Variants in ARID1B observed in about 807,000 individuals in gnomAD.
ARID1B encodes the protein AT-rich interactive domain-containing protein 1B.
A neutral mutation model predicts 212.3 loss-of-function variants in ARID1B; 30 were observed. The observed-to-expected ratio is 0.14, with a 90% CI of 0.11 to 0.19. The LOEUF (loss-of-function observed/expected upper bound fraction) is 0.19. Ranked by LOEUF, ARID1B falls within the 10% of genes least tolerant of loss-of-function variation. The pLI is 1.00. For synonymous variants in ARID1B, 1,402 were observed against 1,301.7 expected (o/e 1.08, Z -1.66); for missense variants, 2,891 against 3,204.0 (o/e 0.90, Z 2.36).
rs1256768169 is a variant in ARID1B, at chr6:156,955,855, G to C, written c.2247+20279G>C. The stretch of plus-strand genomic sequence containing the variant: ...GCCTAAGATTTTAGGGAGGAGGGCT[G>C]TTGGTCTCAGAAACCCTATCCTGTT... On this transcript the variant is annotated intron_variant, in intron 4 of 19. Coordinates refer to ENST00000636930, the MANE Select transcript of ARID1B (RefSeq NM_001374828.1). This position sits in a 1 kb window ranked among gnomAD's most constrained non-coding sequence, Gnocchi z 4.2. 6.6e-6 allele frequency among the ~76,000 whole-genome samples: 1 copy of C among 152,208 alleles called. No individual in the cohort carries two copies. The highest frequency in any genetic ancestry group is 2.4e-5 in the African/African-American group (1 of 41,446).
intron 6 of ARID1B, among the ~76,000 whole-genome samples, chr6:157,115,334 C>G (rs1272063002): frequency 6.6e-6 from 1 of 152,160 alleles, no homozygotes; most frequent in East Asian, 1.9e-4. Flanking sequence ...ATTGGGCTCT[C>G]TACTCTCTTA....
chr6:157,197,923 C>T (rs1793841644), intron 16 of ARID1B, among the ~76,000 whole-genome samples: 1 of 152,152 alleles, frequency 6.6e-6, no homozygotes, highest in South Asian at 2.1e-4. Flanking sequence ...ATCAAAAGTT[C>T]CCGTGTCTGT....
At chr6:156,872,458 A>T (rs1388397606) in intron 2 of ARID1B, among the ~76,000 whole-genome samples, 1 of 152,124 alleles carries the variant, frequency 6.6e-6, no homozygotes, top group African/African-American at 2.4e-5. Context: ...AGTAGCTAGG[A>T]TTACAGGCGC....
chr6:157,034,099 C>T (rs11961479), intron 4 of ARID1B, among the ~76,000 whole-genome samples: 1,674 of 152,244 alleles, frequency 0.011, 24 homozygotes, highest in African/African-American at 0.039. Context: ...AGTCTCCCCA[C>T]ATCAAAGTTA....
Position 157,208,212 on chromosome 6 carries a change from T to C in ARID1B, c.*321T>C, listed in dbSNP as rs763769394. The C allele has an allele frequency of 3.8e-5, 10 of 265,606 alleles. No homozygotes were observed. The highest frequency in any genetic ancestry group is 6.4e-5 in the Non-Finnish European group (9 of 141,222). The allele number at this position is 265,606 out of a possible 1,614,324, so 16.5% of individuals were successfully genotyped here. A position where few individuals can be genotyped will look rare whatever the true frequency, so the allele number is the denominator to read the frequency against. On this transcript the variant is annotated 3_prime_UTR_variant, in exon 20 of 20. Transcript: ENST00000636930. Reference sequence around the variant, plus strand: ...TTTAATGTTCTTTCCCATGTTGTATTGCATTTTTGGGGGAAGCAAATTGAC... The same window carrying C: ...TTTAATGTTCTTTCCCATGTTGTATCGCATTTTTGGGGGAAGCAAATTGAC...
Position 157,130,592 on chromosome 6 carries a change from G to A in ARID1B, c.2582-2436G>A, listed in dbSNP as rs572365519. ...TTATCTTTATAAATAAGTTAAATAG[G>A]ATAATAAGAAATAGTTCAACTTACT... On this transcript the variant is annotated intron_variant, in intron 6 of 19. Coordinates refer to ENST00000636930, the MANE Select transcript of ARID1B (RefSeq NM_001374828.1). 8.5e-5 allele frequency among the ~76,000 whole-genome samples: 13 copies of A among 152,282 alleles called. No homozygotes were observed. The East Asian group carries it at 2.3e-3, about 27-fold the overall frequency.
chr6:156,812,989 T>TATATATACACAC lies in ARID1B; in HGVS notation c.1792-16237_1792-16236insTATATACACACA, dbSNP rs1383010651. 2.0e-5 allele frequency among the ~76,000 whole-genome samples: 3 copies of TATATATACACAC among 147,106 alleles called. No individual in the cohort carries two copies. The East Asian group carries it at 6.1e-4, about 30-fold the overall frequency. ...GTGTGTGTGTGTGTATGTATATACA[T>TATATATACACAC]ACGTATGTATATACATATATATACA... On this transcript the variant is annotated intron_variant, in intron 1 of 19. Coordinates refer to ENST00000636930, the MANE Select transcript of ARID1B (RefSeq NM_001374828.1).
At chr6:157,004,773 T>C (rs565415360) in intron 4 of ARID1B, among the ~76,000 whole-genome samples, 5 of 152,174 alleles carry the variant, frequency 3.3e-5, no homozygotes, top group Non-Finnish European at 5.9e-5. Flanking sequence ...TTGTACCATA[T>C]TGCTTATAAT....
intron 4 of ARID1B, among the ~76,000 whole-genome samples, chr6:157,039,274 A>G (rs1055525058): frequency 5.3e-5 from 8 of 150,188 alleles, no homozygotes; most frequent in Non-Finnish European, 8.9e-5. Flanking sequence ...TTGCTGATCT[A>G]TACTGAAGTG....
chr6:157,204,001 G>A lies in ARID1B; in HGVS notation c.5394+5G>A. On this transcript the variant is annotated splice_donor_5th_base_variant and intron_variant, in intron 19 of 19. Coordinates refer to ENST00000636930, the MANE Select transcript of ARID1B (RefSeq NM_001374828.1). ...GCTACTTTCAATCTCTCCCAGGTAA[G>A]CCAGCATAGTCCAACTAACAACCAA... is the stretch of plus-strand genomic sequence containing the variant. 6.2e-7 allele frequency: 1 copy of A among 1,613,898 alleles called. No individual in the cohort carries two copies. Among genetic ancestry groups the A allele is most frequent in the Non-Finnish European group, 8.5e-7 (1 of 1,179,862 alleles).
In ARID1B at chr6:157,061,354, A is replaced by G. The variant is rs1322500152; in HGVS notation, c.2248-23308A>G. Among the ~76,000 whole-genome samples, 3 of 152,350 alleles carry G rather than the reference A, an allele frequency of 2.0e-5. No individual in the cohort carries two copies. In the South Asian group the frequency reaches 6.2e-4, roughly 32 times the overall value. On this transcript the variant is annotated intron_variant, in intron 4 of 19. Transcript: ENST00000636930. Reference sequence around the variant, plus strand: ...AGATAGAGTTACATTACTTATCTGCAGCACTTAGAATGGTACGGAGCACAT... The same window carrying G: ...AGATAGAGTTACATTACTTATCTGCGGCACTTAGAATGGTACGGAGCACAT...
chr6:157,141,428 A>G (rs76836303), intron 7 of ARID1B, among the ~76,000 whole-genome samples: 1 of 152,190 alleles, frequency 6.6e-6, no homozygotes, highest in Admixed American at 6.5e-5. Flanking sequence ...GAAATATGGT[A>G]CCTTATGTAT....
intron 17 of ARID1B, 93 bp downstream of exon 17, chr6:157,199,000 C>T (rs558991292): frequency 1.2e-5 from 13 of 1,048,708 alleles, no homozygotes; most frequent in Non-Finnish European, 1.6e-5. Flanking sequence ...GATTTTCAGA[C>T]ATCTAACAAA....
At position 157,207,458 on chromosome 6, in the gene ARID1B, G is replaced by T; in HGVS notation, c.6686G>T (p.Ser2229Ile). The T allele has an allele frequency of 6.2e-7, 1 of 1,614,160 alleles. No homozygotes were observed. Among genetic ancestry groups the T allele is most frequent in the Non-Finnish European group, 8.5e-7 (1 of 1,180,034 alleles). ...VDLILATPPFSRQEKFYATLV... is the reference protein window; with the variant it reads ...VDLILATPPFIRQEKFYATLV... ...CTGATCTTGGCCACTCCTCCATTTA[G>T]TCGTCAGGAGAAATTCTATGCTACA... Residue 2229 changes from serine (S) to isoleucine (I), a missense_variant, in exon 20 of 20, where the codon AGT (serine) becomes ATT (isoleucine). Physicochemically the swap from Ser to Ile is moderately radical, Grantham distance 142. This residue lies in a region of ARID1B where 187 missense variants were observed against 306.5 expected (regional missense o/e 0.61). Transcript: ENST00000636930. The surrounding 1 kb of genome is among the most constrained non-coding windows in gnomAD (Gnocchi z 8.5).
At chr6:157,108,922 C>G (rs1160571760) in intron 5 of ARID1B, among the ~76,000 whole-genome samples, 3 of 152,190 alleles carry the variant, frequency 2.0e-5, no homozygotes, top group Non-Finnish European at 4.4e-5. Flanking sequence ...GTGGCAGTTA[C>G]ACACTCAGGA....
chr6:156,914,482 C>T (rs1006172248), intron 3 of ARID1B, among the ~76,000 whole-genome samples: 3 of 152,224 alleles, frequency 2.0e-5, no homozygotes, highest in African/African-American at 7.2e-5. Flanking sequence ...CCGCTCCTTG[C>T]CTTTCCTTGC....
At chr6:157,113,566 A>G (rs1213634691) in intron 6 of ARID1B, among the ~76,000 whole-genome samples, 2 of 152,052 alleles carry the variant, frequency 1.3e-5, no homozygotes, top group East Asian at 3.9e-4. Flanking sequence ...CTTTTAAACA[A>G]CCATATCTCG....
At chr6:156,890,350 C>T (rs990272064) in intron 2 of ARID1B, among the ~76,000 whole-genome samples, 1 of 151,948 alleles carries the variant, frequency 6.6e-6, no homozygotes, top group African/African-American at 2.4e-5. Flanking sequence ...TCGTGTGTAC[C>T]CTTCTAAGTT....
chr6:157,019,805 C>T (rs1290083810), intron 4 of ARID1B, among the ~76,000 whole-genome samples: 2 of 152,152 alleles, frequency 1.3e-5, no homozygotes, highest in African/African-American at 4.8e-5. Flanking sequence ...CTGCTGCCAG[C>T]GGGTCACCTC....
Sources: gnomAD v4.1 joint callset for allele counts (sites outside exome capture counted in the v4.1 genomes callset) on GRCh38, gnomAD v4.1.1 for gene constraint, gnomAD v4.1.1 regional missense constraint, Gnocchi (gnomAD v3.1) non-coding constraint, MANE v1.5 for transcripts, NCBI Gene and HGNC (gene_info 2026-07-23, HGNC 2026-07-21) for gene names.